Variants in ITM2B observed in about 807,000 individuals in gnomAD.
ITM2B encodes the protein ABri/ADan amyloid peptide.
In ITM2B, 11 loss-of-function variants were observed where a neutral mutation model predicts 27.8. That is an observed-to-expected ratio of 0.40 (90% CI 0.25 to 0.66). The LOEUF is 0.66. ITM2B is among the 30% of genes least tolerant of loss of function. The pLI is 0.43. For missense variants in ITM2B, 296 were observed against 328.9 expected, an observed-to-expected ratio of 0.90 and a Z score of 0.77; for synonymous variants, 114 against 114.3, an observed-to-expected ratio of 1.00 and a Z score of 0.02.
At chr13:48,234,343 G>A (rs917927765) in intron 1 of ITM2B, among the ~76,000 whole-genome samples, 1 of 152,106 alleles carries the variant, frequency 6.6e-6, no homozygotes, top group Admixed American at 6.5e-5. Context: ...ACTTAAATAT[G>A]AGTGTAATTG....
intron 1 of ITM2B, among the ~76,000 whole-genome samples, chr13:48,250,453 C>T (rs1421066577): frequency 6.6e-6 from 1 of 151,972 alleles, no homozygotes; most frequent in Non-Finnish European, 1.5e-5. Context: ...CCTGTCTCTA[C>T]TAAAAATACA....
chr13:48,255,326 C>CT (rs1825018579), intron 2 of ITM2B, among the ~76,000 whole-genome samples: 1 of 152,112 alleles, frequency 6.6e-6, no homozygotes, highest in African/African-American at 2.4e-5. Context: ...GGGTCTCACT[C>CT]TGTCATCCAG....
rs573278544 is a variant in ITM2B at position 48,242,576 on chromosome 13, T to C, written c.117+9099T>C. Among the ~76,000 whole-genome samples the C allele has an allele frequency of 9.1e-4, 139 of 152,158 alleles. 1 individual carries two copies. The Middle Eastern group carries it at 0.024, about 26-fold the overall frequency. On this transcript the variant is annotated intron_variant, in intron 1 of 5. Transcript: ENST00000647800. ...AAATCTGAAGAAAAAGATAAATTTT[T>C]AAAAAATCTTACGTGTCTCAGAATC... is the stretch of plus-strand genomic sequence containing the variant.
In ITM2B at chr13:48,263,911, T is replaced by G. The variant is rs904017169; in HGVS notation, c.*2687T>G. The G allele has an allele frequency of 6.6e-6, 1 of 152,108 alleles. No homozygotes were observed. The highest frequency in any genetic ancestry group is 1.5e-5 in the Non-Finnish European group (1 of 68,050). 9.4% of individuals were successfully genotyped at this position (152,108 alleles called of 1,614,324 possible). ...ATGAATTCTGGGGGGACACAAACAT[T>G]CAAACCATAGCAAGTTCCATAATGC... On this transcript the variant is annotated 3_prime_UTR_variant, in exon 6 of 6. Coordinates refer to ENST00000647800, the MANE Select transcript of ITM2B (RefSeq NM_021999.5).
chr13:48,245,282 C>T (rs1308821956), intron 1 of ITM2B, among the ~76,000 whole-genome samples: 1 of 150,700 alleles, frequency 6.6e-6, no homozygotes, highest in East Asian at 1.9e-4. Context: ...GCTGAGATGG[C>T]ACCACTGTAC....
chr13:48,255,182 A>C (rs548290287), intron 2 of ITM2B, among the ~76,000 whole-genome samples: 1 of 151,914 alleles, frequency 6.6e-6, no homozygotes, highest in African/African-American at 2.4e-5. Context: ...GGCCCTGTGC[A>C]TTCACATTTT....
rs1160286581 is a variant in ITM2B at position 48,265,438 on chromosome 13, C to T, written c.*4214C>T. 2 of 152,302 alleles carry T rather than the reference C, an allele frequency of 1.3e-5. No homozygotes were observed. Among genetic ancestry groups the T allele is most frequent in the Non-Finnish European group, 1.5e-5 (1 of 68,100 alleles). 9.4% of individuals were successfully genotyped at this position (152,302 alleles called of 1,614,324 possible). On this transcript the variant is annotated 3_prime_UTR_variant, in exon 6 of 6. Coordinates refer to ENST00000647800, the MANE Select transcript of ITM2B (RefSeq NM_021999.5). Reference sequence around the variant, plus strand: ...CACTGTGTCCTCCACCTCCTAGCAGCTTCCTGCTGTTCTGCTCTAGTGGTT... The same window carrying T: ...CACTGTGTCCTCCACCTCCTAGCAGTTTCCTGCTGTTCTGCTCTAGTGGTT...
rs1333059966 is a variant in ITM2B at position 48,267,811 on chromosome 13, G to A, written c.*6587G>A. On this transcript the variant is annotated 3_prime_UTR_variant, in exon 6 of 6. Coordinates refer to ENST00000647800, the MANE Select transcript of ITM2B (RefSeq NM_021999.5). ...TGCTGGGAAACTCAGAGCCAAACTC[G>A]GTGCTTAGATTAATTACTTTCAGCC... The A allele has an allele frequency of 2.6e-5, 4 of 152,032 alleles. No homozygotes were observed. The highest frequency in any genetic ancestry group is 6.6e-5 in the Admixed American group (1 of 15,260). 9.4% of individuals were successfully genotyped at this position (152,032 alleles called of 1,614,324 possible). A position where few individuals can be genotyped will look rare whatever the true frequency, so the allele number is the denominator to read the frequency against.
intron 1 of ITM2B, among the ~76,000 whole-genome samples, chr13:48,238,754 C>T (rs1399193137): frequency 6.6e-6 from 1 of 152,040 alleles, no homozygotes; most frequent in African/African-American, 2.4e-5. Context: ...AGTTGAATTT[C>T]ATACTTTAAA....
At chr13:48,243,390 TC>T (rs1274853569) in intron 1 of ITM2B, among the ~76,000 whole-genome samples, 2 of 152,256 alleles carry the variant, frequency 1.3e-5, no homozygotes, top group Admixed American at 1.3e-4. Context: ...TTTGCTACCA[TC>T]CTTTGTAATT....
At position 48,253,252 on chromosome 13, in the gene ITM2B, T is replaced by C. The variant is rs146550107; in HGVS notation, c.118-556T>C. The stretch of plus-strand genomic sequence containing the variant: ...GTCCTATTTTTTGAAATTCTAATTG[T>C]TTAAATAATTTTAGTATCATTGTTT... On this transcript the variant is annotated intron_variant, in intron 1 of 5. Coordinates refer to ENST00000647800, the MANE Select transcript of ITM2B (RefSeq NM_021999.5). 4.1e-3 allele frequency among the ~76,000 whole-genome samples: 628 copies of C among 152,334 alleles called. 15 individuals are homozygous for C. Among genetic ancestry groups the C allele is most frequent in the Admixed American group, 0.033 (509 of 15,300 alleles).
At chr13:48,235,688 TCTGA>T (rs1310124176) in intron 1 of ITM2B, among the ~76,000 whole-genome samples, 1 of 152,218 alleles carries the variant, frequency 6.6e-6, no homozygotes, top group African/African-American at 2.4e-5. Context: ...AGCCACCTTG[TCTGA>T]CTGCCTGGAC....
At chr13:48,240,620 C>G (rs1289089754) in intron 1 of ITM2B, among the ~76,000 whole-genome samples, 1 of 152,138 alleles carries the variant, frequency 6.6e-6, no homozygotes, top group Non-Finnish European at 1.5e-5. Context: ...CATAAAAACC[C>G]TTAGGATTCA....
chr13:48,259,680 G>GAAACC (rs1466881155), intron 5 of ITM2B, among the ~76,000 whole-genome samples: 1 of 149,862 alleles, frequency 6.7e-6, no homozygotes, highest in Non-Finnish European at 1.5e-5. Flanking sequence ...TGAGTCATCT[G>GAAACC]AAACCAGCTT....
intron 1 of ITM2B, among the ~76,000 whole-genome samples, chr13:48,241,512 T>C (rs1214611682): frequency 6.6e-6 from 1 of 152,166 alleles, no homozygotes; most frequent in Admixed American, 6.5e-5. Flanking sequence ...CACCTGGCCC[T>C]CCATGTTTCT....
In ITM2B at chr13:48,250,999, G is replaced by A. The variant is rs115358237; in HGVS notation, c.118-2809G>A. ...ATAAATTGACCTGTGGATAAGTGAAGTATTTGTAAGTGAAATTCCTCAAGA... is the reference window on the plus strand; with the variant it reads ...ATAAATTGACCTGTGGATAAGTGAAATATTTGTAAGTGAAATTCCTCAAGA... On this transcript the variant is annotated intron_variant, in intron 1 of 5. Transcript: ENST00000647800. Among the ~76,000 whole-genome samples the A allele has an allele frequency of 6.6e-3, 1,009 of 152,292 alleles. 15 individuals carry two copies. Among genetic ancestry groups the A allele is most frequent in the African/African-American group, 0.023 (960 of 41,564 alleles).
At chr13:48,249,999 T>A (rs1460453350) in intron 1 of ITM2B, among the ~76,000 whole-genome samples, 1 of 152,238 alleles carries the variant, frequency 6.6e-6, no homozygotes, top group Non-Finnish European at 1.5e-5. Flanking sequence ...ATCTTGAGCA[T>A]ACTTTAATCC....
At chr13:48,253,526 A>T (rs1012409106) in intron 1 of ITM2B, among the ~76,000 whole-genome samples, 14 of 152,186 alleles carry the variant, frequency 9.2e-5, no homozygotes, top group Non-Finnish European at 4.4e-5. Context: ...GAAAGTAAAA[A>T]TTATGGAGTG....
At chr13:48,251,090 A>G (rs1951753315) in intron 1 of ITM2B, among the ~76,000 whole-genome samples, 2 of 152,248 alleles carry the variant, frequency 1.3e-5, no homozygotes, top group African/African-American at 2.4e-5. Flanking sequence ...TGAGAAGTCA[A>G]ACTCTAGCAT....
Sources: allele counts gnomAD v4.1 joint callset (sites outside exome capture counted in the v4.1 genomes callset), GRCh38; gene constraint gnomAD v4.1.1; transcripts MANE v1.5; gene names NCBI Gene and HGNC (gene_info 2026-07-23, HGNC 2026-07-21).